The following AFG1L variants were observed in gnomAD, a reference collection of about 807,000 sequenced individuals.
The protein encoded by AFG1L is AFG1-like ATPase.
AFG1L carries 53 observed loss-of-function variants against 62.2 expected under a neutral mutation model. The observed-to-expected ratio is 0.85, with a 90% confidence interval of 0.68 to 1.07. The LOEUF (loss-of-function observed/expected upper bound fraction) is 1.07. Among genes scored for constraint, AFG1L ranks in the 50% least tolerant of loss-of-function variants. The pLI is 0.00. For missense variants in AFG1L, 555 were observed against 590.5 expected, an observed-to-expected ratio of 0.94 and a Z score of 0.62; for synonymous variants, 228 against 210.3, an observed-to-expected ratio of 1.08 and a Z score of -0.73.
intron 6 of AFG1L, among the ~76,000 whole-genome samples, chr6:108,389,005 G>A (rs1228761685): frequency 3.7e-4 from 57 of 152,056 alleles, no homozygotes; most frequent in African/African-American, 1.3e-3. Flanking sequence ...TTATTGTGTG[G>A]GAGTCTAAGT....
intron 4 of AFG1L, among the ~76,000 whole-genome samples, chr6:108,356,026 T>A (rs1431578373): frequency 1.3e-5 from 2 of 152,190 alleles, no homozygotes; most frequent in Non-Finnish European, 2.9e-5. Flanking sequence ...AATAAAAAAA[T>A]GTTAAAAATG....
chr6:108,329,444 G>T (rs1327531894), intron 2 of AFG1L, among the ~76,000 whole-genome samples: 1 of 151,782 alleles, frequency 6.6e-6, no homozygotes, highest in South Asian at 2.1e-4. Context: ...GATTACAGGC[G>T]CCCACCACCA....
At chr6:108,498,825 A>C (rs1193639145) in intron 10 of AFG1L, among the ~76,000 whole-genome samples, 1 of 151,994 alleles carries the variant, frequency 6.6e-6, no homozygotes, top group Non-Finnish European at 1.5e-5. Flanking sequence ...AAATACAAAA[A>C]TTAGACAGGC....
chr6:108,409,337 G>A (rs1050009905), intron 7 of AFG1L, among the ~76,000 whole-genome samples: 1 of 152,130 alleles, frequency 6.6e-6, no homozygotes, highest in Non-Finnish European at 1.5e-5. Flanking sequence ...CTGACTAGGA[G>A]AACTCACAAT....
chr6:108,522,409 A>G lies in AFG1L; in HGVS notation c.1430A>G (p.Asp477Gly). ...ACTGAACAGTACTGGAATGAAGGAG[A>G]CAGAACCAAGAAGTAACTGCCACTT... Reference protein sequence around the residue: ...MQTEQYWNEGDRTKK With the variant: ...MQTEQYWNEGGRTKK The change falls in exon 13 of 13, where the codon GAC becomes GGC. Residue 477 changes from aspartate (D) to glycine (G), a missense_variant. By Grantham distance (94) the Asp-to-Gly change is moderately conservative. Coordinates refer to ENST00000368977, the MANE Select transcript of AFG1L (RefSeq NM_145315.5). 1 of 1,610,278 alleles carries G rather than the reference A, an allele frequency of 6.2e-7. No homozygotes were observed. The highest frequency in any genetic ancestry group is 8.5e-7 in the Non-Finnish European group (1 of 1,177,054).
rs539232525 is a variant in AFG1L, at chr6:108,422,477, C to CAAAAAAAAAAAAA, written c.807+20433_807+20445dup. On this transcript the variant is annotated intron_variant, in intron 7 of 12. Coordinates refer to ENST00000368977, the MANE Select transcript of AFG1L (RefSeq NM_145315.5). ...ATATTTTTTTAAAATTAGTCCTCAG[C>CAAAAAAAAAAAAA]AAAAAAAAAAAAAAAAAAAAAAGAA... Among the ~76,000 whole-genome samples the CAAAAAAAAAAAAA allele has an allele frequency of 8.9e-3, 405 of 45,754 alleles. 31 individuals are homozygous for CAAAAAAAAAAAAA. The highest frequency in any genetic ancestry group is 0.025 in the Middle Eastern group (1 of 40). The allele number at this position is 45,754 out of a possible 152,430, so 30.0% of individuals were successfully genotyped here.
At chr6:108,313,044 A>T (rs1307977534) in intron 1 of AFG1L, among the ~76,000 whole-genome samples, 1 of 152,212 alleles carries the variant, frequency 6.6e-6, no homozygotes, top group Non-Finnish European at 1.5e-5. Flanking sequence ...TTTGAAGAGT[A>T]TCGGGGAAGA....
intron 1 of AFG1L, among the ~76,000 whole-genome samples, chr6:108,322,868 C>T (rs890920353): frequency 6.6e-6 from 1 of 152,032 alleles, no homozygotes; most frequent in Admixed American, 6.6e-5. Flanking sequence ...TTAAACCTGC[C>T]CCACATAAGG....
At chr6:108,431,218 C>T (rs1412022923) in intron 7 of AFG1L, among the ~76,000 whole-genome samples, 1 of 151,848 alleles carries the variant, frequency 6.6e-6, no homozygotes. Context: ...CTTCTTCTGC[C>T]TCAGCCTCCT....
Position 108,447,259 on chromosome 6 carries a change from A to G in AFG1L, c.853A>G (p.Lys285Glu). The change falls in exon 8 of 13, where the codon AAA becomes GAA. Residue 285 changes from lysine to glutamate, a missense_variant. Lys to Glu is a moderately conservative substitution (Grantham distance 56). Transcript: ENST00000368977. ...VQLDSGIDYR[K>E]RELPAAGKLY... ...GCTAGATTCTGGGATAGATTACCGGAAAAGGGAACTTCCTGCTGCAGGAAA... is the reference window on the plus strand; with the variant it reads ...GCTAGATTCTGGGATAGATTACCGGGAAAGGGAACTTCCTGCTGCAGGAAA... 2 of 1,607,450 alleles carry G rather than the reference A, an allele frequency of 1.2e-6. No homozygotes were observed. The highest frequency in any genetic ancestry group is 1.7e-5 in the Admixed American group (1 of 59,890).
In AFG1L at chr6:108,400,689, T is replaced by TTA. The variant is rs796516789; in HGVS notation, c.749-1297_749-1296dup. 4.7e-4 allele frequency among the ~76,000 whole-genome samples: 47 copies of TTA among 99,022 alleles called. 1 individual carries two copies. The highest frequency in any genetic ancestry group is 1.5e-3 in the African/African-American group (42 of 28,174). The allele number at this position is 99,022 out of a possible 152,430, so 65.0% of individuals were successfully genotyped here. On this transcript the variant is annotated intron_variant, in intron 6 of 12. Coordinates refer to ENST00000368977, the MANE Select transcript of AFG1L (RefSeq NM_145315.5). The stretch of plus-strand genomic sequence containing the variant: ...AATTTATATATTATATATTATATAA[T>TTA]TATATATATATTATTATATATATTT...
At chr6:108,502,892 C>T (rs1486783195) in intron 10 of AFG1L, among the ~76,000 whole-genome samples, 1 of 152,196 alleles carries the variant, frequency 6.6e-6, no homozygotes, top group Non-Finnish European at 1.5e-5. Flanking sequence ...TAGTCTAAAT[C>T]CTTTGTTGTC....
chr6:108,486,678 C>A (rs1018449770), intron 10 of AFG1L, among the ~76,000 whole-genome samples: 1 of 152,160 alleles, frequency 6.6e-6, no homozygotes, highest in Admixed American at 6.5e-5. Flanking sequence ...ATCCAGCCCT[C>A]CAAGATTACT....
At chr6:108,468,019 ATAAC>A (rs1278918966) in intron 8 of AFG1L, among the ~76,000 whole-genome samples, 1 of 152,198 alleles carries the variant, frequency 6.6e-6, no homozygotes, top group Non-Finnish European at 1.5e-5. Flanking sequence ...GTAAGACTGG[ATAAC>A]TAACCCCATA....
chr6:108,400,244 A>G (rs1009750983), intron 6 of AFG1L, among the ~76,000 whole-genome samples: 4 of 152,050 alleles, frequency 2.6e-5, no homozygotes, highest in African/African-American at 9.7e-5. Flanking sequence ...CAATGGTGAA[A>G]GTGGGCATAG....
chr6:108,487,680 T>G (rs982389918), intron 10 of AFG1L, among the ~76,000 whole-genome samples: 2 of 152,090 alleles, frequency 1.3e-5, no homozygotes, highest in African/African-American at 4.8e-5. Context: ...CAACAAGATA[T>G]GAGATTTAAA....
At chr6:108,511,265 C>T (rs1774643253) in intron 11 of AFG1L, among the ~76,000 whole-genome samples, 1 of 152,078 alleles carries the variant, frequency 6.6e-6, no homozygotes, top group South Asian at 2.1e-4. Context: ...TTGAAGCTCT[C>T]TCTCTCCCTA....
chr6:108,304,510 G>A (rs1777132677), intron 1 of AFG1L, among the ~76,000 whole-genome samples: 1 of 152,180 alleles, frequency 6.6e-6, no homozygotes, highest in African/African-American at 2.4e-5. Flanking sequence ...CAGCACAAAT[G>A]TACAAATAAC....
chr6:108,492,293 G>A (rs931529648), intron 10 of AFG1L, among the ~76,000 whole-genome samples: 5 of 150,406 alleles, frequency 3.3e-5, no homozygotes, highest in Admixed American at 6.6e-5. Flanking sequence ...CCAGACAAAT[G>A]TACAAGTCTT....
Sources: allele counts gnomAD v4.1 joint callset (sites outside exome capture counted in the v4.1 genomes callset), GRCh38; gene constraint gnomAD v4.1.1; transcripts MANE v1.5; gene names NCBI Gene and HGNC (gene_info 2026-07-23, HGNC 2026-07-21).